PACC1: variants seen among roughly 807,000 people sequenced by gnomAD.
PACC1 encodes proton activated chloride channel 1.
In PACC1, 34 loss-of-function variants were observed where a neutral mutation model predicts 39.7. The ratio of observed to expected loss-of-function variants is 0.86; its 90% confidence interval spans 0.65 to 1.14. PACC1 has a LOEUF of 1.14. Ranked by LOEUF, PACC1 falls within the 50% of genes most tolerant of loss-of-function variation. The pLI is 0.00. For synonymous variants in PACC1, 127 were observed against 160.6 expected, an observed-to-expected ratio of 0.79 and a Z score of 1.58; for missense variants, 379 against 436.4, an observed-to-expected ratio of 0.87 and a Z score of 1.17.
chr1:212,403,898 C>T (rs1399491259), intron 2 of PACC1, among the ~76,000 whole-genome samples: 1 of 151,896 alleles, frequency 6.6e-6, no homozygotes, highest in Non-Finnish European at 1.5e-5. Context: ...CTCTAGGCTC[C>T]ATCTCTATGT....
rs1176200389 is a variant in PACC1 at position 212,376,148 on chromosome 1, G to A, written c.784-848C>T. ...TCAATTACTAAAGACGCTGTGTGGT[G>A]TAACGGAGAGCAGACAGGTAACAAA... On this transcript the variant is annotated intron_variant, in intron 6 of 7. Transcript: ENST00000261455. 2.6e-5 allele frequency among the ~76,000 whole-genome samples: 4 copies of A among 152,108 alleles called. No homozygotes were observed. The East Asian group carries it at 7.7e-4, about 29-fold the overall frequency.
intron 1 of PACC1, 72 bp downstream of exon 1, chr1:212,414,650 C>T (rs969428200): frequency 1.5e-5 from 24 of 1,580,500 alleles, no homozygotes; most frequent in African/African-American, 4.0e-5. Flanking sequence ...CCCCCCGCCC[C>T]GCATCCGCCC....
intron 2 of PACC1, among the ~76,000 whole-genome samples, chr1:212,391,784 A>G (rs945755527): frequency 6.6e-6 from 1 of 152,254 alleles, no homozygotes; most frequent in Non-Finnish European, 1.5e-5. Flanking sequence ...CATGAGAACT[A>G]CATGATGAAT....
intron 2 of PACC1, among the ~76,000 whole-genome samples, chr1:212,389,416 T>C (rs536541697): frequency 6.6e-6 from 1 of 152,284 alleles, no homozygotes; most frequent in South Asian, 2.1e-4. Flanking sequence ...GTTTAGAGCT[T>C]AAATCTTGCC....
chr1:212,389,421 C>T (rs1021656269), intron 2 of PACC1, among the ~76,000 whole-genome samples: 11 of 152,138 alleles, frequency 7.2e-5, no homozygotes, highest in Non-Finnish European at 1.0e-4. Flanking sequence ...GAGCTTAAAT[C>T]TTGCCATATT....
At chr1:212,377,926 A>C (rs543374781) in intron 5 of PACC1, among the ~76,000 whole-genome samples, 2 of 152,302 alleles carry the variant, frequency 1.3e-5, no homozygotes, top group Admixed American at 1.3e-4. Flanking sequence ...ATGGAGGGGT[A>C]GTCACTGGCC....
At chr1:212,373,763 A>G (rs957668761) in intron 7 of PACC1, among the ~76,000 whole-genome samples, 2 of 152,192 alleles carry the variant, frequency 1.3e-5, no homozygotes, top group African/African-American at 4.8e-5. Context: ...GCTCAACAAC[A>G]CTAATCAATC....
Position 212,365,305 on chromosome 1 carries a change from T to C in PACC1, c.963A>G (p.Ala321=). The part of the protein sequence containing the change: ...CGAFLALFKA[A]EFAKLSIKWM... ...ATTTTATACTCAGTTTGGCAAACTC[T>C]GCTGCTTTAAATAATGCCAAGAAGG... The change falls in exon 8 of 8, where the codon GCA becomes GCG. Residue 321 remains alanine, a synonymous_variant. Transcript: ENST00000261455. 2 of 1,614,038 alleles carry C rather than the reference T, an allele frequency of 1.2e-6. No homozygotes were observed. The highest frequency in any genetic ancestry group is 1.7e-6 in the Non-Finnish European group (2 of 1,180,020).
chr1:212,367,299 C>T (rs1459661471), intron 7 of PACC1, among the ~76,000 whole-genome samples: 2 of 152,194 alleles, frequency 1.3e-5, no homozygotes, highest in Non-Finnish European at 2.9e-5. Flanking sequence ...GAGGGTCTCA[C>T]GCTGCCTACA....
Position 212,405,289 on chromosome 1 carries a change from T to G in PACC1, c.133+5136A>C, listed in dbSNP as rs74138137. On this transcript the variant is annotated intron_variant, in intron 2 of 7. Transcript: ENST00000261455. ...CATACTTCCATACTACACTCCACAC[T>G]AGGCACTGGAGTTACAGTAAAGGAG... Among the ~76,000 whole-genome samples the G allele has an allele frequency of 7.8e-3, 1,190 of 152,262 alleles. 15 individuals carry two copies. The highest frequency in any genetic ancestry group is 0.027 in the African/African-American group (1,120 of 41,546).
chr1:212,390,803 C>G (rs375289987), intron 2 of PACC1, among the ~76,000 whole-genome samples: 2 of 152,240 alleles, frequency 1.3e-5, no homozygotes, highest in African/African-American at 4.8e-5. Context: ...TATCCCGCGC[C>G]TGGCTCAGAG....
At chr1:212,405,278 A>G (rs1277580480) in intron 2 of PACC1, among the ~76,000 whole-genome samples, 6 of 152,190 alleles carry the variant, frequency 3.9e-5, no homozygotes, top group Admixed American at 1.3e-4. Flanking sequence ...CTTCCATACT[A>G]CACTCCACAC....
chr1:212,398,782 C>A (rs547126896), intron 2 of PACC1, among the ~76,000 whole-genome samples: 2 of 152,178 alleles, frequency 1.3e-5, no homozygotes, highest in African/African-American at 4.8e-5. Flanking sequence ...CTCTCTTGAC[C>A]CTGCTCCACT....
chr1:212,368,804 G>A (rs1166548086), intron 7 of PACC1, among the ~76,000 whole-genome samples: 6 of 152,190 alleles, frequency 3.9e-5, no homozygotes, highest in East Asian at 1.9e-4. Context: ...AGGCCGAGGC[G>A]GGCGGATCAC....
intron 2 of PACC1, among the ~76,000 whole-genome samples, chr1:212,392,112 G>A (rs562306746): frequency 3.3e-5 from 5 of 152,232 alleles, no homozygotes; most frequent in Non-Finnish European, 5.9e-5. Context: ...GATACTCCTC[G>A]AGAAGAGCAA....
In PACC1 at chr1:212,414,750, C is replaced by T; in HGVS notation, c.8G>A (p.Arg3Gln). 1.9e-6 allele frequency: 3 copies of T among 1,613,630 alleles called. No homozygotes were observed. Among genetic ancestry groups the T allele is most frequent in the Non-Finnish European group, 2.5e-6 (3 of 1,179,622 alleles). MI[R>Q]QERSTSYQEL... ...CTGGTAGGATGTGGAGCGCTCCTGCCGGATCATGGCACTGACCAGAGCTTC... is the reference window on the plus strand; with the variant it reads ...CTGGTAGGATGTGGAGCGCTCCTGCTGGATCATGGCACTGACCAGAGCTTC... The change falls in exon 1 of 8, where the codon CGG becomes CAG. Residue 3 changes from arginine (R) to glutamine (Q), a missense_variant. Coordinates refer to ENST00000261455, the MANE Select transcript of PACC1 (RefSeq NM_018252.3).
chr1:212,401,327 CTA>C (rs1661702419), intron 2 of PACC1, among the ~76,000 whole-genome samples: 1 of 152,030 alleles, frequency 6.6e-6, no homozygotes, highest in African/African-American at 2.4e-5. Flanking sequence ...ACTTCTCTCA[CTA>C]TGTTTTCGAG....
At chr1:212,406,619 G>C (rs755306972) in intron 2 of PACC1, among the ~76,000 whole-genome samples, 2 of 152,196 alleles carry the variant, frequency 1.3e-5, no homozygotes, top group Non-Finnish European at 2.9e-5. Flanking sequence ...GGACTCCTGA[G>C]ATCTGAATCT....
At chr1:212,392,689 C>G (rs1242410853) in intron 2 of PACC1, among the ~76,000 whole-genome samples, 2 of 151,952 alleles carry the variant, frequency 1.3e-5, no homozygotes, top group African/African-American at 2.4e-5. Context: ...TTCAGGAAAC[C>G]CATCTCACGT....
Sources: gnomAD v4.1 joint callset for allele counts (sites outside exome capture counted in the v4.1 genomes callset) on GRCh38, gnomAD v4.1.1 for gene constraint, MANE v1.5 for transcripts, NCBI Gene and HGNC (gene_info 2026-07-23, HGNC 2026-07-21) for gene names.